Variants in ATG7 observed in about 807,000 individuals in gnomAD.
ATG7 encodes the protein autophagy related 7, also known as ubiquitin-like modifier-activating enzyme ATG7.
ATG7 carries 70 observed loss-of-function variants against 82.4 expected under a neutral mutation model. The ratio of observed to expected loss-of-function variants is 0.85; its 90% CI spans 0.70 to 1.04. The LOEUF (loss-of-function observed/expected upper bound fraction) is 1.04, where lower values mean the gene tolerates loss of function less well. Ranked by LOEUF, ATG7 falls within the 50% of genes least tolerant of loss-of-function variation. The pLI is 0.00. For synonymous variants in ATG7, 287 were observed against 313.0 expected, an observed-to-expected ratio of 0.92 and a Z score of 0.88; for missense variants, 792 against 864.3, an observed-to-expected ratio of 0.92 and a Z score of 1.05.
intron 20 of ATG7, among the ~76,000 whole-genome samples, chr3:11,453,814 AG>A (rs1284506488): frequency 6.6e-5 from 10 of 151,010 alleles, no homozygotes; most frequent in Non-Finnish European, 1.3e-4. Context: ...GGGGAGTGCA[AG>A]GGGTGGGGGG....
intron 20 of ATG7, among the ~76,000 whole-genome samples, chr3:11,442,349 C>A (rs1343635540): frequency 6.6e-6 from 1 of 152,114 alleles, no homozygotes; most frequent in Non-Finnish European, 1.5e-5. Context: ...GGGATAATGC[C>A]TACTCCACAA....
intron 20 of ATG7, among the ~76,000 whole-genome samples, chr3:11,513,355 G>A (rs1175647007): frequency 6.6e-6 from 1 of 152,248 alleles, no homozygotes; most frequent in African/African-American, 2.4e-5. Flanking sequence ...AGAGGCTCAG[G>A]CATGGTGGGC....
At chr3:11,558,488 T>A (rs1329776611), downstream of ATG7, 23 of 1,483,450 alleles carry the variant, frequency 1.6e-5, no homozygotes, top group Admixed American at 4.3e-5. Context: ...TTTTTTTTTT[T>A]AAGTACTGAC....
intron 20 of ATG7, among the ~76,000 whole-genome samples, chr3:11,466,712 G>A (rs1289062068): frequency 2.0e-5 from 3 of 152,202 alleles, no homozygotes; most frequent in Non-Finnish European, 4.4e-5. Flanking sequence ...GCACCTTTAT[G>A]TTCAATATCA....
intron 18 of ATG7, among the ~76,000 whole-genome samples, chr3:11,378,848 A>G (rs374941559): frequency 6.6e-6 from 1 of 151,938 alleles, no homozygotes. Flanking sequence ...ATAGTTTGTC[A>G]AATTGTTTGT....
chr3:11,571,512 C>CGT, the ATG7 span, among the ~76,000 whole-genome samples: 1 of 149,966 alleles, frequency 6.7e-6, no homozygotes, highest in Non-Finnish European at 1.5e-5. Flanking sequence ...GGCAAAACCC[C>CGT]GTCTCTACAA....
intron 20 of ATG7, among the ~76,000 whole-genome samples, chr3:11,459,417 AT>A (rs2086088172): frequency 6.6e-6 from 1 of 152,146 alleles, no homozygotes; most frequent in Admixed American, 6.5e-5. Flanking sequence ...TCAAAAACAG[AT>A]TTAAGATAGC....
intron 19 of ATG7, among the ~76,000 whole-genome samples, chr3:11,397,747 G>T (rs1355155167): frequency 1.3e-5 from 1 of 76,396 alleles, no homozygotes; most frequent in Non-Finnish European, 2.7e-5. Flanking sequence ...GTGCACCCAC[G>T]CCCAGCCCGG....
At chr3:11,313,128 A>G (rs551647326) in intron 7 of ATG7, among the ~76,000 whole-genome samples, 176 bp from the exon 8 acceptor site, 19 of 152,298 alleles carry the variant, frequency 1.2e-4, no homozygotes, top group African/African-American at 1.9e-4. Flanking sequence ...TGGGAATACA[A>G]AAGTCCTTTA....
intron 9 of ATG7, among the ~76,000 whole-genome samples, chr3:11,329,535 T>G (rs1575485097): frequency 6.6e-6 from 1 of 152,230 alleles, no homozygotes; most frequent in African/African-American, 2.4e-5. Flanking sequence ...ATCCATCTAC[T>G]TTTTTATCAT....
At chr3:11,470,165 A>G (rs1484024048) in intron 20 of ATG7, among the ~76,000 whole-genome samples, 6 of 152,134 alleles carry the variant, frequency 3.9e-5, no homozygotes, top group Non-Finnish European at 8.8e-5. Flanking sequence ...TTTGTTTTCT[A>G]GCAGTGCAAA....
chr3:11,438,491 G>A (rs1045273094), intron 20 of ATG7, among the ~76,000 whole-genome samples: 5 of 152,222 alleles, frequency 3.3e-5, no homozygotes, highest in Middle Eastern at 3.4e-3. Context: ...GCTTGAACCC[G>A]GGAGGTGGAG....
intron 18 of ATG7, among the ~76,000 whole-genome samples, chr3:11,372,457 C>T (rs1466362861): frequency 6.6e-6 from 1 of 150,664 alleles, no homozygotes; most frequent in African/African-American, 2.5e-5. Flanking sequence ...TTTTTAAAAT[C>T]ACCTTTTTCA....
intron 20 of ATG7, among the ~76,000 whole-genome samples, chr3:11,444,011 G>A (rs2084270088): frequency 6.6e-6 from 1 of 152,042 alleles, no homozygotes; most frequent in Non-Finnish European, 1.5e-5. Flanking sequence ...ACTTCAGTCT[G>A]GTATATGGGT....
the ATG7 span, among the ~76,000 whole-genome samples, chr3:11,571,702 T>C: frequency 6.6e-6 from 1 of 152,140 alleles, no homozygotes; most frequent in Admixed American, 6.5e-5. Context: ...ACAAAGGTAG[T>C]GTCCCTCTTT....
chr3:11,375,766 G>A (rs2077372073), intron 18 of ATG7, among the ~76,000 whole-genome samples: 1 of 152,166 alleles, frequency 6.6e-6, no homozygotes, highest in Non-Finnish European at 1.5e-5. Context: ...CACCATGTTT[G>A]CCAGGCTGGT....
intron 20 of ATG7, among the ~76,000 whole-genome samples, chr3:11,455,615 G>C (rs920419505): frequency 2.9e-4 from 44 of 152,162 alleles, no homozygotes; most frequent in Non-Finnish European, 1.5e-4. Context: ...ATTGTTCCTT[G>C]TTGGCCTGAA....
intron 3 of ATG7, chr3:11,290,529 T>G (rs1369611656): frequency 2.7e-6 from 1 of 372,016 alleles, no homozygotes; most frequent in East Asian, 9.6e-5. Flanking sequence ...GGCCTTCTCC[T>G]TCCTCTTCTC....
At chr3:11,416,576 C>G (rs976029660) in intron 19 of ATG7, among the ~76,000 whole-genome samples, 2 of 152,062 alleles carry the variant, frequency 1.3e-5, no homozygotes, top group African/African-American at 2.4e-5. Context: ...GGAATACTAT[C>G]ACTAAAAAGT....
Sources: allele counts gnomAD v4.1 joint callset (sites outside exome capture counted in the v4.1 genomes callset), GRCh38; gene constraint gnomAD v4.1.1; transcripts MANE v1.5; gene names NCBI Gene and HGNC (gene_info 2026-07-23, HGNC 2026-07-21).